The following ERF variants were observed in gnomAD, a reference collection of about 807,000 sequenced individuals.
ERF encodes the protein ETS domain-containing transcription factor ERF.
A neutral mutation model predicts 41.6 loss-of-function variants in ERF; 10 were observed. That is an observed-to-expected ratio of 0.24 (90% CI 0.15 to 0.41). ERF has a LOEUF of 0.41. Ranked by LOEUF, ERF falls within the 10% of genes least tolerant of loss-of-function variation. ERF has a pLI of 1.00. For synonymous variants in ERF, 395 were observed against 342.4 expected, an observed-to-expected ratio of 1.15 and a Z score of -1.70; for missense variants, 621 against 763.2, an observed-to-expected ratio of 0.81 and a Z score of 2.19.
At position 42,248,100 on chromosome 19, in the gene ERF, G is replaced by A. The variant is rs970074131; in HGVS notation, c.*365C>T. Reference sequence around the variant, plus strand: ...AGGCAGAGAACAGGGAGGGAGACAAGGCTTTACTTCCTAAGCGATTGTAAT... The same window carrying A: ...AGGCAGAGAACAGGGAGGGAGACAAAGCTTTACTTCCTAAGCGATTGTAAT... On this transcript the variant is annotated 3_prime_UTR_variant, in exon 4 of 4. Coordinates refer to ENST00000222329, the MANE Select transcript of ERF (RefSeq NM_006494.4). The surrounding 1 kb of genome is among the most constrained non-coding windows in gnomAD (Gnocchi z 4.2). 25 of 191,824 alleles carry A rather than the reference G, an allele frequency of 1.3e-4. No homozygotes were observed. The highest frequency in any genetic ancestry group is 2.3e-4 in the Non-Finnish European group (22 of 94,836). 11.9% of individuals were successfully genotyped at this position (191,824 alleles called of 1,614,324 possible).
At chr19:42,253,691 G>A (rs1199887128) in intron 1 of ERF, among the ~76,000 whole-genome samples, 2 of 151,966 alleles carry the variant, frequency 1.3e-5, no homozygotes, top group East Asian at 1.9e-4. Context: ...CCCCTCCTCG[G>A]TCCGGGTCCC....
Position 42,249,143 on chromosome 19 carries a change from G to T in ERF, c.969C>A (p.Asn323Lys). ...YLQAHTQSVY[N>K]YHLSPRAFLH... ...GGAAGGCGCGGGGGCTGAGGTGGTAGTTGTAGACGCTTTGGGTGTGGGCCT... is the reference window on the plus strand; with the variant it reads ...GGAAGGCGCGGGGGCTGAGGTGGTATTTGTAGACGCTTTGGGTGTGGGCCT... Residue 323 changes from asparagine (N) to lysine (K), a missense_variant, in exon 4 of 4, where the codon AAC becomes AAA. Around this residue, in one of 3 missense-constraint regions of ERF, gnomAD observed 569 missense variants for 625.5 expected, o/e 0.91. Coordinates refer to ENST00000222329, the MANE Select transcript of ERF (RefSeq NM_006494.4). The surrounding 1 kb of genome is among the most constrained non-coding windows in gnomAD (Gnocchi z 8.6). The T allele has an allele frequency of 6.2e-7, 1 of 1,613,944 alleles. No homozygotes were observed. The highest frequency in any genetic ancestry group is 1.6e-4 in the Middle Eastern group (1 of 6,062).
At position 42,249,092 on chromosome 19, in the gene ERF, G is replaced by T. The variant is rs780483224; in HGVS notation, c.1020C>A (p.Pro340=). ...AFLHYPGLVV[P]QPQRPDKCPL... ...GGCACTTGTCAGGGCGCTGGGGCTGGGGCACCACCAGCCCAGGGTAGTGCA... is the reference window on the plus strand; with the variant it reads ...GGCACTTGTCAGGGCGCTGGGGCTGTGGCACCACCAGCCCAGGGTAGTGCA... The change falls in exon 4 of 4, where the codon CCC becomes CCA. Residue 340 remains proline (P), a synonymous_variant. Coordinates refer to ENST00000222329, the MANE Select transcript of ERF (RefSeq NM_006494.4). This position sits in a 1 kb window ranked among gnomAD's most constrained non-coding sequence, Gnocchi z 8.6. 1 of 1,613,548 alleles carries T rather than the reference G, an allele frequency of 6.2e-7. No individual in the cohort carries two copies. The highest frequency in any genetic ancestry group is 1.3e-5 in the African/African-American group (1 of 74,906).
Position 42,250,410 on chromosome 19 carries a change from G to C in ERF, c.178C>G (p.Pro60Ala), listed in dbSNP as rs1218549626. Residue 60 changes from proline to alanine, a missense_variant, in exon 2 of 4, where the codon CCT (proline) becomes GCT (alanine). By Grantham distance (27) the Pro-to-Ala change is conservative. This residue lies in a region of ERF where 18 missense variants were observed against 80.8 expected (regional missense o/e 0.22). Transcript: ENST00000222329. The surrounding 1 kb of genome is among the most constrained non-coding windows in gnomAD (Gnocchi z 5.1). ...GDYGEFVIKD[P>A]DEVARLWGVR... ...CCCCACAGCCGGGCCACCTCATCAG[G>C]GTCTTTGATGACGAATTCCCCGTAG... 1 of 1,613,746 alleles carries C rather than the reference G, an allele frequency of 6.2e-7. No homozygotes were observed. Among genetic ancestry groups the C allele is most frequent in the Non-Finnish European group, 8.5e-7 (1 of 1,180,022 alleles).
intron 1 of ERF, among the ~76,000 whole-genome samples, chr19:42,251,071 AT>A (rs72204758): frequency 0.032 from 4,622 of 144,458 alleles, 105 homozygotes; most frequent in Middle Eastern, 0.1. Flanking sequence ...TGAGAGGAAG[AT>A]TTTTTTTTTT....
At position 42,248,576 on chromosome 19, in the gene ERF, C is replaced by T. The variant is rs765680263; in HGVS notation, c.1536G>A (p.Lys512=). Residue 512 remains lysine, a synonymous_variant, in exon 4 of 4, where the codon AAG becomes AAA. Coordinates refer to ENST00000222329, the MANE Select transcript of ERF (RefSeq NM_006494.4). The surrounding 1 kb of genome is among the most constrained non-coding windows in gnomAD (Gnocchi z 4.2). The part of the protein sequence containing the change: ...GGFEDEGEDK[K]VRGEGPGEAG... Reference sequence around the variant, plus strand: ...CCTCCCCAGGCCCCTCCCCACGCACCTTCTTGTCCTCACCCTCATCCTCAA... The same window carrying T: ...CCTCCCCAGGCCCCTCCCCACGCACTTTCTTGTCCTCACCCTCATCCTCAA... 5 of 1,578,698 alleles carry T rather than the reference C, an allele frequency of 3.2e-6. No homozygotes were observed. The highest frequency in any genetic ancestry group is 1.4e-5 in the African/African-American group (1 of 73,644).
At position 42,252,852 on chromosome 19, in the gene ERF, C is replaced by T. The variant is rs116854217; in HGVS notation, c.22+2126G>A. ...TGTGTGAGTGTGCTGTGTATGCGTC[C>T]ACGTGCTTAAAACAGGGAAACACCA... On this transcript the variant is annotated intron_variant, in intron 1 of 3. Coordinates refer to ENST00000222329, the MANE Select transcript of ERF (RefSeq NM_006494.4). Among the ~76,000 whole-genome samples the T allele has an allele frequency of 9.1e-3, 1,388 of 152,256 alleles. 12 individuals carry two copies. The highest frequency in any genetic ancestry group is 0.016 in the Non-Finnish European group (1,058 of 68,024).
chr19:42,248,616 C>A lies in ERF; in HGVS notation c.1496G>T (p.Gly499Val), dbSNP rs144595082. The A allele has an allele frequency of 1.3e-5, 20 of 1,581,822 alleles. No individual in the cohort carries two copies. The East Asian group carries it at 3.1e-4, about 25-fold the overall frequency. ...CTCATCCTCAAAGCCCCCAGCGGGG[C>A]CCCCACCCCCTTCGAGGCGACAGTC... Reference protein sequence around the residue: ...SEDCRLEGGGGPAGGFEDEGE... With the variant: ...SEDCRLEGGGVPAGGFEDEGE... The change falls in exon 4 of 4, where the codon GGC becomes GTC. Residue 499 changes from glycine to valine, a missense_variant. Physicochemically the swap from Gly to Val is moderately radical, Grantham distance 109. Coordinates refer to ENST00000222329, the MANE Select transcript of ERF (RefSeq NM_006494.4). This position sits in a 1 kb window ranked among gnomAD's most constrained non-coding sequence, Gnocchi z 4.2.
Position 42,250,215 on chromosome 19 carries a change from A to G in ERF, c.257+116T>C. The G allele has an allele frequency of 2.5e-6, 3 of 1,222,732 alleles. No homozygotes were observed. The South Asian group carries it at 4.2e-5, about 17-fold the overall frequency. The allele number at this position is 1,222,732 out of a possible 1,614,324, so 75.7% of individuals were successfully genotyped here. On this transcript the variant is annotated intron_variant, in intron 2 of 3. Coordinates refer to ENST00000222329, the MANE Select transcript of ERF (RefSeq NM_006494.4). The surrounding 1 kb of genome is among the most constrained non-coding windows in gnomAD (Gnocchi z 5.1). ...GGCTGGGAGTGGCCCAAGGTCACAC[A>G]GCTAGGATTTGGCAAAGCCAGGGGT...
At chr19:42,254,155 A>G (rs1226104191) in intron 1 of ERF, among the ~76,000 whole-genome samples, 2 of 148,936 alleles carry the variant, frequency 1.3e-5, no homozygotes, top group Non-Finnish European at 3.0e-5. Flanking sequence ...AGGAGGAGCA[A>G]GTTGGCGGGG....
chr19:42,250,164 C>A lies in ERF; in HGVS notation c.257+167G>T. ...ACTGTAATCTCTCCTCAGGATACGT[C>A]TGTGTTACCAAGGGGCTCAGGGAAG... On this transcript the variant is annotated intron_variant, in intron 2 of 3. Coordinates refer to ENST00000222329, the MANE Select transcript of ERF (RefSeq NM_006494.4). This position sits in a 1 kb window ranked among gnomAD's most constrained non-coding sequence, Gnocchi z 5.1. 1 of 803,754 alleles carries A rather than the reference C, an allele frequency of 1.2e-6. No homozygotes were observed. Among genetic ancestry groups the A allele is most frequent in the Non-Finnish European group, 2.0e-6 (1 of 507,056 alleles). The allele number at this position is 803,754 out of a possible 1,614,324, so 49.8% of individuals were successfully genotyped here.
chr19:42,248,545 C>T lies in ERF; in HGVS notation c.1567G>A (p.Gly523Arg), dbSNP rs771156538. 1 of 1,551,824 alleles carries T rather than the reference C, an allele frequency of 6.4e-7. No homozygotes were observed. Among genetic ancestry groups the T allele is most frequent in the Non-Finnish European group, 8.7e-7 (1 of 1,150,834 alleles). ...VRGEGPGEAGGPLTPRRVSSD... is the reference protein window; with the variant it reads ...VRGEGPGEAGRPLTPRRVSSD... The stretch of plus-strand genomic sequence containing the variant: ...CTCACCCGCCTTGGGGTGAGGGGCC[C>T]CCCAGCCTCCCCAGGCCCCTCCCCA... The change falls in exon 4 of 4, where the codon GGG (glycine) becomes AGG (arginine). Residue 523 changes from glycine (G) to arginine (R), a missense_variant. Gly to Arg is a moderately radical substitution (Grantham distance 125). Transcript: ENST00000222329. This position sits in a 1 kb window ranked among gnomAD's most constrained non-coding sequence, Gnocchi z 4.2.
chr19:42,250,223 T>A lies in ERF; in HGVS notation c.257+108A>T, dbSNP rs1419219243. ...GTGGCCCAAGGTCACACAGCTAGGA[T>A]TTGGCAAAGCCAGGGGTCAGACCCA... is the stretch of plus-strand genomic sequence containing the variant. On this transcript the variant is annotated intron_variant, in intron 2 of 3. Transcript: ENST00000222329. This position sits in a 1 kb window ranked among gnomAD's most constrained non-coding sequence, Gnocchi z 5.1. 2.3e-6 allele frequency: 3 copies of A among 1,305,688 alleles called. No individual in the cohort carries two copies. In the African/African-American group the frequency reaches 4.4e-5, roughly 19 times the overall value. The allele number at this position is 1,305,688 out of a possible 1,614,324, so 80.9% of individuals were successfully genotyped here.
Position 42,248,941 on chromosome 19 carries a change from C to A in ERF, c.1171G>T (p.Ala391Ser). Reference sequence around the variant, plus strand: ...GCACCGGCTACGGCCTTCTCCCCAGCTGCCCGCTGCCGGCGTCCGAGTGGG... The same window carrying A: ...GCACCGGCTACGGCCTTCTCCCCAGATGCCCGCTGCCGGCGTCCGAGTGGG... ...PPPLGRRQRA[A>S]GEKAVAGADK... The change falls in exon 4 of 4, where the codon GCT (alanine) becomes TCT (serine). Residue 391 changes from alanine (A) to serine (S), a missense_variant. By Grantham distance (99) the Ala-to-Ser change is moderately conservative. Around this residue, in one of 3 missense-constraint regions of ERF, gnomAD observed 569 missense variants for 625.5 expected, o/e 0.91. Transcript: ENST00000222329. This position sits in a 1 kb window ranked among gnomAD's most constrained non-coding sequence, Gnocchi z 4.2. 1.2e-6 allele frequency: 2 copies of A among 1,606,352 alleles called. No individual in the cohort carries two copies. Among genetic ancestry groups the A allele is most frequent in the Non-Finnish European group, 1.7e-6 (2 of 1,179,638 alleles).
At position 42,248,520 on chromosome 19, in the gene ERF, C is replaced by G. The variant is rs2036370530; in HGVS notation, c.1592G>C (p.Ser531Thr). The change falls in exon 4 of 4, where the codon AGC becomes ACC. Residue 531 changes from serine to threonine, a missense_variant. Ser to Thr is a moderately conservative substitution (Grantham distance 58). Around this residue, in one of 3 missense-constraint regions of ERF, gnomAD observed 569 missense variants for 625.5 expected, o/e 0.91. Coordinates refer to ENST00000222329, the MANE Select transcript of ERF (RefSeq NM_006494.4). This position sits in a 1 kb window ranked among gnomAD's most constrained non-coding sequence, Gnocchi z 4.2. ...GGCCGTGGCATGCTGGAGGTCAGAG[C>G]TCACCCGCCTTGGGGTGAGGGGCCC... ...AGGPLTPRRV[S>T]SDLQHATAQL... 1 of 1,528,610 alleles carries G rather than the reference C, an allele frequency of 6.5e-7. No homozygotes were observed. The highest frequency in any genetic ancestry group is 8.8e-7 in the Non-Finnish European group (1 of 1,141,408). The allele number at this position is 1,528,610 out of a possible 1,614,324, so 94.7% of individuals were successfully genotyped here.
chr19:42,250,636 G>T lies in ERF; in HGVS notation c.23-71C>A. 2 of 1,458,246 alleles carry T rather than the reference G, an allele frequency of 1.4e-6. No homozygotes were observed. Among genetic ancestry groups the T allele is most frequent in the Non-Finnish European group, 1.9e-6 (2 of 1,065,826 alleles). 90.3% of individuals were successfully genotyped at this position (1,458,246 alleles called of 1,614,324 possible). A position where few individuals can be genotyped will look rare whatever the true frequency, so the allele number is the denominator to read the frequency against. On this transcript the variant is annotated intron_variant, in intron 1 of 3. Coordinates refer to ENST00000222329, the MANE Select transcript of ERF (RefSeq NM_006494.4). The surrounding 1 kb of genome is among the most constrained non-coding windows in gnomAD (Gnocchi z 5.1). Reference sequence around the variant, plus strand: ...CCAGGGCTCTGGGTCCCATCCCAGGGTCCACCTCTGCCCTGCCTTCAACAT... The same window carrying T: ...CCAGGGCTCTGGGTCCCATCCCAGGTTCCACCTCTGCCCTGCCTTCAACAT...
intron 1 of ERF, among the ~76,000 whole-genome samples, chr19:42,251,796 G>A (rs1407976191): frequency 2.0e-5 from 3 of 152,106 alleles, no homozygotes; most frequent in Non-Finnish European, 4.4e-5. Context: ...GGGAATCCAG[G>A]GAATCAGTAG....
intron 1 of ERF, chr19:42,254,739 T>G: frequency 1.7e-5 from 6 of 357,042 alleles, no homozygotes; most frequent in South Asian, 7.1e-5. Flanking sequence ...GGGGTCCCGG[T>G]AGGGATACAG....
At chr19:42,251,429 G>T (rs1241981778) in intron 1 of ERF, 1 of 894,808 alleles carries the variant, frequency 1.1e-6, no homozygotes, top group East Asian at 1.2e-4. Context: ...GTCTCTGGAG[G>T]GGGTGGGCAG....
Sources: gnomAD v4.1 joint callset for allele counts (sites outside exome capture counted in the v4.1 genomes callset) on GRCh38, gnomAD v4.1.1 for gene constraint, gnomAD v4.1.1 regional missense constraint, Gnocchi (gnomAD v3.1) non-coding constraint, MANE v1.5 for transcripts, NCBI Gene and HGNC (gene_info 2026-07-23, HGNC 2026-07-21) for gene names.